LINGO2: variants seen among roughly 807,000 people sequenced by gnomAD.
LINGO2 encodes the protein leucine-rich repeat and immunoglobulin-like domain-containing nogo receptor-interacting protein 2.
A neutral mutation model predicts 30.6 loss-of-function variants in LINGO2; 14 were observed. That is an observed-to-expected ratio of 0.46 (90% CI 0.30 to 0.72). The LOEUF (loss-of-function observed/expected upper bound fraction) is 0.72. Ranked by LOEUF, LINGO2 falls within the 30% of genes least tolerant of loss-of-function variation. The probability of loss-of-function intolerance (pLI) is 0.07; values close to 1 mark genes in which losing one functional copy is unlikely to be tolerated. For missense variants in LINGO2, 729 were observed against 751.7 expected (o/e 0.97, Z 0.35); for synonymous variants, 317 against 288.5 (o/e 1.10, Z -1.00).
At chr9:28,827,761 A>G in the LINGO2 span, among the ~76,000 whole-genome samples, 2 of 152,162 alleles carry the variant, frequency 1.3e-5, no homozygotes, top group Non-Finnish European at 2.9e-5. Flanking sequence ...AGCAAAAGAT[A>G]TTTTATTGAA....
At chr9:28,018,762 C>A (rs1822966720) in intron 4 of LINGO2, among the ~76,000 whole-genome samples, 1 of 152,086 alleles carries the variant, frequency 6.6e-6, no homozygotes, top group Non-Finnish European at 1.5e-5. Context: ...TAAATTAGTT[C>A]AGCTATTAGA....
chr9:28,897,718 T>A, the LINGO2 span, among the ~76,000 whole-genome samples: 1 of 152,152 alleles, frequency 6.6e-6, no homozygotes. Flanking sequence ...TGAGGATTAA[T>A]TAAAATAATA....
chr9:29,048,173 A>C, the LINGO2 span, among the ~76,000 whole-genome samples: 1 of 151,896 alleles, frequency 6.6e-6, no homozygotes, highest in South Asian at 2.1e-4. Flanking sequence ...ATATGCCAAC[A>C]ATGAAAAATG....
At chr9:28,520,341 T>G (rs1000288857) in intron 1 of LINGO2, among the ~76,000 whole-genome samples, 3 of 152,128 alleles carry the variant, frequency 2.0e-5, no homozygotes, top group Non-Finnish European at 4.4e-5. Flanking sequence ...TATTAAGAAT[T>G]TTTTAGTAAT....
chr9:28,577,531 G>A (rs1194460456), intron 1 of LINGO2, among the ~76,000 whole-genome samples: 1 of 152,110 alleles, frequency 6.6e-6, no homozygotes, highest in Non-Finnish European at 1.5e-5. Flanking sequence ...AAATTTGCAT[G>A]GAGGCTAATT....
At chr9:28,365,992 A>T (rs4878358) in intron 3 of LINGO2, among the ~76,000 whole-genome samples, 150,049 of 152,234 alleles carry the variant, frequency 0.99, 73,985 homozygotes, top group Middle Eastern at 1. Flanking sequence ...TGCTTTCAAA[A>T]GAGATGTCAG....
intron 4 of LINGO2, among the ~76,000 whole-genome samples, chr9:28,287,380 G>T (rs73645631): frequency 2.0e-5 from 3 of 152,122 alleles, no homozygotes; most frequent in Non-Finnish European, 4.4e-5. Flanking sequence ...CTGAACTGAC[G>T]TTCACTTTTT....
chr9:28,517,865 G>A lies in LINGO2; in HGVS notation c.-364-41840C>T, dbSNP rs113470653. 7.1e-3 allele frequency among the ~76,000 whole-genome samples: 1,078 copies of A among 152,174 alleles called. 13 individuals carry two copies. Among genetic ancestry groups the A allele is most frequent in the African/African-American group, 0.024 (1,015 of 41,510 alleles). The stretch of plus-strand genomic sequence containing the variant: ...TCAAACACAATAAATCATCCTCAAG[G>A]TACAAAGATTCAAATGCCACAAGTG... On this transcript the variant is annotated intron_variant, in intron 1 of 5. Transcript: ENST00000379992.
chr9:28,572,527 T>C lies in LINGO2; in HGVS notation c.-364-96502A>G, dbSNP rs191894855. On this transcript the variant is annotated intron_variant, in intron 1 of 5. Coordinates refer to ENST00000379992, the Ensembl canonical transcript of LINGO2. Reference sequence around the variant, plus strand: ...AGCATAACAACAAGGCCGCTCTTCATGGTCTGCTCTTGTCCTAAAGCACAA... The same window carrying C: ...AGCATAACAACAAGGCCGCTCTTCACGGTCTGCTCTTGTCCTAAAGCACAA... Among the ~76,000 whole-genome samples the C allele has an allele frequency of 4.6e-5, 7 of 152,240 alleles. No homozygotes were observed. In the East Asian group the frequency reaches 1.4e-3, roughly 29 times the overall value.
downstream of LINGO2, among the ~76,000 whole-genome samples, chr9:27,945,126 G>A (rs534405996): frequency 1.3e-5 from 2 of 152,104 alleles, no homozygotes; most frequent in East Asian, 3.9e-4. Flanking sequence ...TACATCCCCT[G>A]AAGTTAAAAC....
intron 1 of LINGO2, among the ~76,000 whole-genome samples, chr9:28,571,144 A>T (rs145525461): frequency 1.3e-5 from 2 of 152,154 alleles, no homozygotes; most frequent in African/African-American, 4.8e-5. Flanking sequence ...AATAAATCTA[A>T]GGTATCTTAA....
At chr9:28,051,933 G>C (rs922868718) in intron 4 of LINGO2, among the ~76,000 whole-genome samples, 1 of 151,972 alleles carries the variant, frequency 6.6e-6, no homozygotes, top group Non-Finnish European at 1.5e-5. Flanking sequence ...AAAAAACACA[G>C]AATATTCAAA....
chr9:28,285,977 T>G (rs1477882342), intron 4 of LINGO2, among the ~76,000 whole-genome samples: 3 of 152,156 alleles, frequency 2.0e-5, no homozygotes, highest in Admixed American at 2.0e-4. Context: ...TCAAAGTTTG[T>G]GAAAGCTCGT....
At chr9:28,504,283 A>G (rs2135329055) in intron 1 of LINGO2, among the ~76,000 whole-genome samples, 1 of 152,042 alleles carries the variant, frequency 6.6e-6, no homozygotes, top group East Asian at 1.9e-4. Context: ...ATCATTTAAA[A>G]CACTGTGCTA....
At chr9:28,699,950 G>A in the LINGO2 span, among the ~76,000 whole-genome samples, 4 of 152,032 alleles carry the variant, frequency 2.6e-5, no homozygotes, top group South Asian at 2.1e-4. Flanking sequence ...AAGACAATAC[G>A]TGCACTGCTG....
intron 2 of LINGO2, among the ~76,000 whole-genome samples, chr9:28,377,924 C>A (rs899729690): frequency 6.6e-6 from 1 of 152,180 alleles, no homozygotes; most frequent in African/African-American, 2.4e-5. Flanking sequence ...TTACCTAATT[C>A]TATGCAGTTG....
At chr9:28,052,111 G>C (rs553936956) in intron 4 of LINGO2, among the ~76,000 whole-genome samples, 1 of 152,136 alleles carries the variant, frequency 6.6e-6, no homozygotes, top group Non-Finnish European at 1.5e-5. Flanking sequence ...CCAGTAAGTG[G>C]TTTCAGATTT....
chr9:28,266,582 AGT>A, intron 4 of LINGO2, among the ~76,000 whole-genome samples: 1 of 151,960 alleles, frequency 6.6e-6, no homozygotes, highest in Non-Finnish European at 1.5e-5. Flanking sequence ...TCTGTCTCAG[AGT>A]TCTTCTCTTT....
intron 4 of LINGO2, among the ~76,000 whole-genome samples, chr9:28,056,116 G>T (rs932030042): frequency 6.6e-6 from 1 of 152,280 alleles, no homozygotes; most frequent in Admixed American, 6.5e-5. Context: ...ACCTCTGAGC[G>T]TCTACCGCCC....
Sources: gnomAD v4.1 joint callset for allele counts (sites outside exome capture counted in the v4.1 genomes callset) on GRCh38, gnomAD v4.1.1 for gene constraint, MANE v1.5 for transcripts, NCBI Gene and HGNC (gene_info 2026-07-23, HGNC 2026-07-21) for gene names.